The following BTBD8 variants were observed in gnomAD, a reference collection of about 807,000 sequenced individuals.
BTBD8 encodes BTB domain containing 8, also known as BTB/POZ domain-containing protein 8.
In BTBD8, 110 loss-of-function variants were observed where a neutral mutation model predicts 162.9. That is an observed-to-expected ratio of 0.68 (90% CI 0.58 to 0.79). The LOEUF is 0.79. Among genes scored for constraint, BTBD8 ranks in the 30% least tolerant of loss-of-function variants. The pLI, the probability that BTBD8 is intolerant of heterozygous loss-of-function variation, is 0.00. For synonymous variants in BTBD8, 667 were observed against 716.1 expected, an observed-to-expected ratio of 0.93 and a Z score of 1.10; for missense variants, 1,905 against 2,085.4, an observed-to-expected ratio of 0.91 and a Z score of 1.68.
chr1:92,184,101 C>A lies in BTBD8; in HGVS notation c.5150C>A (p.Ser1717Tyr). The change falls in exon 18 of 18, where the codon TCC (serine) becomes TAC (tyrosine). Residue 1717 changes from serine (S) to tyrosine (Y), a missense_variant. By Grantham distance (144) the Ser-to-Tyr change is moderately radical. Around this residue, in one of 3 missense-constraint regions of BTBD8, gnomAD observed 517 missense variants for 606.6 expected, o/e 0.85. Coordinates refer to ENST00000636805, the MANE Select transcript of BTBD8 (RefSeq NM_001376131.1). ...GATTCAAACTTAGATGTTACAAATTCCGTTCCTGAAGACTTAAGTTTAGCA... is the reference window on the plus strand; with the variant it reads ...GATTCAAACTTAGATGTTACAAATTACGTTCCTGAAGACTTAAGTTTAGCA... ...EQDSNLDVTNSVPEDLSLAQY... is the reference protein window; with the variant it reads ...EQDSNLDVTNYVPEDLSLAQY... The A allele has an allele frequency of 6.4e-7, 1 of 1,551,666 alleles. No homozygotes were observed. The highest frequency in any genetic ancestry group is 8.7e-7 in the Non-Finnish European group (1 of 1,146,876).
intron 9 of BTBD8, 184 bp downstream of exon 9, chr1:92,147,970 C>T: frequency 1.7e-6 from 1 of 574,726 alleles, no homozygotes; most frequent in Non-Finnish European, 3.0e-6. Context: ...CCCAGCTCAT[C>T]AGTCAGGGTT....
chr1:92,134,369 A>G (rs570424115), intron 5 of BTBD8, among the ~76,000 whole-genome samples: 69 of 152,314 alleles, frequency 4.5e-4, no homozygotes, highest in African/African-American at 1.6e-3. Context: ...AAGACCCTCC[A>G]TGATCTGGCC....
In BTBD8 at chr1:92,122,263, TTA is replaced by T. The variant is rs1238756768; in HGVS notation, c.663-7422_663-7421del. Among the ~76,000 whole-genome samples, 271 of 71,806 alleles carry T rather than the reference TTA, an allele frequency of 3.8e-3. 3 individuals are homozygous for T. The highest frequency in any genetic ancestry group is 0.024 in the African/African-American group (247 of 10,210). 47.1% of individuals were successfully genotyped at this position (71,806 alleles called of 152,430 possible). Reference sequence around the variant, plus strand: ...TTCCAGTATTTAGCTATTATTATTATTATTTTTTTTTTTTGAGACGGAGTCTT... The same window carrying T: ...TTCCAGTATTTAGCTATTATTATTATTTTTTTTTTTTTGAGACGGAGTCTT... On this transcript the variant is annotated intron_variant, in intron 4 of 17. Coordinates refer to ENST00000636805, the MANE Select transcript of BTBD8 (RefSeq NM_001376131.1).
chr1:92,122,288 C>G (rs937343352), intron 4 of BTBD8, among the ~76,000 whole-genome samples: 1 of 149,796 alleles, frequency 6.7e-6, no homozygotes, highest in Non-Finnish European at 1.5e-5. Flanking sequence ...GAGACGGAGT[C>G]TTGCTCTGTC....
rs145035041 is a variant in BTBD8 at position 92,147,407 on chromosome 1, C to T, written c.1019+139C>T. Reference sequence around the variant, plus strand: ...AAGTAGCTTAGTGCTAAACTAGTTTCACCACTAAGTAGAATATTAATTTAG... The same window carrying T: ...AAGTAGCTTAGTGCTAAACTAGTTTTACCACTAAGTAGAATATTAATTTAG... On this transcript the variant is annotated intron_variant, in intron 8 of 17. Transcript: ENST00000636805. The T allele has an allele frequency of 5.2e-4, 350 of 667,300 alleles. 3 individuals are homozygous for T. In the African/African-American group the frequency reaches 5.9e-3, roughly 11 times the overall value. 41.3% of individuals were successfully genotyped at this position (667,300 alleles called of 1,614,324 possible). A position where few individuals can be genotyped will look rare whatever the true frequency, so the allele number is the denominator to read the frequency against.
At chr1:92,090,527 TA>T (rs1348727376) in intron 2 of BTBD8, among the ~76,000 whole-genome samples, 9 of 152,266 alleles carry the variant, frequency 5.9e-5, no homozygotes, top group African/African-American at 2.2e-4. Flanking sequence ...ATATATTCTG[TA>T]ATATTAGACT....
At chr1:92,081,569 A>G (rs1476843060) in intron 1 of BTBD8, among the ~76,000 whole-genome samples, 1 of 151,706 alleles carries the variant, frequency 6.6e-6, no homozygotes, top group Non-Finnish European at 1.5e-5. Context: ...AAAGTTGTGC[A>G]GCATTCTACT....
chr1:92,163,774 T>C (rs1225583755), intron 9 of BTBD8, among the ~76,000 whole-genome samples: 3 of 152,130 alleles, frequency 2.0e-5, no homozygotes, highest in African/African-American at 7.2e-5. Context: ...AATCTCGAGG[T>C]ACTCTAACAT....
At chr1:92,173,685 CAA>C (rs1299203911) in intron 13 of BTBD8, among the ~76,000 whole-genome samples, 2 of 152,144 alleles carry the variant, frequency 1.3e-5, no homozygotes, top group Non-Finnish European at 2.9e-5. Flanking sequence ...GACACAAAAT[CAA>C]AAGAGTTCAA....
chr1:92,088,591 C>A, intron 1 of BTBD8, 107 bp from the exon 2 acceptor site: 1 of 837,116 alleles, frequency 1.2e-6, no homozygotes, highest in South Asian at 3.2e-5. Flanking sequence ...CTTTATGTTG[C>A]CTCTGTATTT....
At chr1:92,135,930 G>C (rs1649623004) in intron 5 of BTBD8, among the ~76,000 whole-genome samples, 1 of 152,162 alleles carries the variant, frequency 6.6e-6, no homozygotes. Flanking sequence ...AAAGTATAGA[G>C]AGTATTACAC....
At position 92,169,006 on chromosome 1, in the gene BTBD8, C is replaced by T; in HGVS notation, c.1573+11C>T. The T allele has an allele frequency of 2.0e-6, 3 of 1,514,948 alleles. No individual in the cohort carries two copies. Among genetic ancestry groups the T allele is most frequent in the Non-Finnish European group, 2.7e-6 (3 of 1,119,076 alleles). 93.8% of individuals were successfully genotyped at this position (1,514,948 alleles called of 1,614,324 possible). On this transcript the variant is annotated intron_variant, in intron 12 of 17. Coordinates refer to ENST00000636805, the MANE Select transcript of BTBD8 (RefSeq NM_001376131.1). ...AGAAAATCCAAGCAGGTACGTTAGC[C>T]TTGAGATATTTCAATTCTTATGTAA...
At chr1:92,119,006 G>A (rs138439425) in intron 4 of BTBD8, among the ~76,000 whole-genome samples, 1 of 151,298 alleles carries the variant, frequency 6.6e-6, no homozygotes, top group Admixed American at 6.6e-5. Flanking sequence ...CACTTACTGT[G>A]AATAGAACTT....
chr1:92,120,014 C>T (rs975932261), intron 4 of BTBD8, among the ~76,000 whole-genome samples: 19 of 149,176 alleles, frequency 1.3e-4, no homozygotes, highest in African/African-American at 4.7e-4. Context: ...AATTCGCCTG[C>T]CTCAGCCTCT....
At chr1:92,123,776 C>CAAAA (rs529220915) in intron 4 of BTBD8, among the ~76,000 whole-genome samples, 21 of 84,380 alleles carry the variant, frequency 2.5e-4, no homozygotes, top group African/African-American at 5.1e-4. Flanking sequence ...GACTCCGTCT[C>CAAAA]AAAAAAAAAA....
chr1:92,179,590 T>C (rs948014620), intron 16 of BTBD8, among the ~76,000 whole-genome samples: 1 of 152,206 alleles, frequency 6.6e-6, no homozygotes, highest in African/African-American at 2.4e-5. Flanking sequence ...TTAAAATATT[T>C]GATAATTCTG....
chr1:92,114,143 A>G (rs1648976806), intron 4 of BTBD8, among the ~76,000 whole-genome samples: 1 of 152,104 alleles, frequency 6.6e-6, no homozygotes, highest in Non-Finnish European at 1.5e-5. Flanking sequence ...AATTGTTAAA[A>G]AAAACACTTA....
chr1:92,139,278 T>G (rs1366387322), intron 5 of BTBD8, 72 bp from the exon 6 acceptor site: 15 of 1,479,984 alleles, frequency 1.0e-5, no homozygotes, highest in Non-Finnish European at 1.3e-5. Context: ...TCGAAGTTTA[T>G]GGGAAAATAG....
At chr1:92,126,710 A>G (rs890945145) in intron 4 of BTBD8, among the ~76,000 whole-genome samples, 1 of 152,232 alleles carries the variant, frequency 6.6e-6, no homozygotes, top group East Asian at 1.9e-4. Flanking sequence ...CAATGTTAGC[A>G]TTCAACCTCT....
Sources: gnomAD v4.1 joint callset for allele counts (sites outside exome capture counted in the v4.1 genomes callset) on GRCh38, gnomAD v4.1.1 for gene constraint, gnomAD v4.1.1 regional missense constraint, MANE v1.5 for transcripts, NCBI Gene and HGNC (gene_info 2026-07-23, HGNC 2026-07-21) for gene names.